TNFRSF10A: variants seen among roughly 807,000 people sequenced by gnomAD.
TNFRSF10A encodes TNF receptor superfamily member 10a.
In TNFRSF10A, 44 loss-of-function variants were observed where a neutral mutation model predicts 42.8. The ratio of observed to expected loss-of-function variants is 1.03; its 90% CI spans 0.81 to 1.32. The LOEUF is 1.32. Among genes scored for constraint, TNFRSF10A ranks in the 40% most tolerant of loss-of-function variants. The pLI, the probability that TNFRSF10A is intolerant of heterozygous loss-of-function variation, is 0.00. For synonymous variants in TNFRSF10A, 259 were observed against 234.2 expected, an observed-to-expected ratio of 1.11 and a Z score of -0.97; for missense variants, 680 against 602.0, an observed-to-expected ratio of 1.13 and a Z score of -1.36.
At chr8:23,219,469 C>A in intron 1 of TNFRSF10A, among the ~76,000 whole-genome samples, 1 of 150,828 alleles carries the variant, frequency 6.6e-6, no homozygotes, top group Non-Finnish European at 1.5e-5. Context: ...GGACTTTAGC[C>A]CTGCAGAAGC....
At chr8:23,203,933 C>T (rs567981870) in intron 2 of TNFRSF10A, among the ~76,000 whole-genome samples, 7 of 152,122 alleles carry the variant, frequency 4.6e-5, no homozygotes, top group Admixed American at 1.3e-4. Flanking sequence ...CGTGCCACCA[C>T]GCCTGGCTAA....
At chr8:23,209,790 G>A (rs1801067376) in intron 2 of TNFRSF10A, among the ~76,000 whole-genome samples, 1 of 152,222 alleles carries the variant, frequency 6.6e-6, no homozygotes, top group Admixed American at 6.5e-5. Context: ...TGTCTCACAT[G>A]AGACTTTGGA....
At chr8:23,215,033 T>C (rs533669381) in intron 1 of TNFRSF10A, among the ~76,000 whole-genome samples, 1 of 152,160 alleles carries the variant, frequency 6.6e-6, no homozygotes, top group Non-Finnish European at 1.5e-5. Context: ...TGTCTGATAT[T>C]GAGGATTGTA....
intron 1 of TNFRSF10A, among the ~76,000 whole-genome samples, chr8:23,222,127 T>G (rs1464357103): frequency 6.6e-6 from 1 of 152,136 alleles, no homozygotes; most frequent in Non-Finnish European, 1.5e-5. Flanking sequence ...TCCACCTGTC[T>G]CGGCCTCCCA....
chr8:23,193,727 T>C (rs1800785048), intron 9 of TNFRSF10A, among the ~76,000 whole-genome samples: 1 of 152,242 alleles, frequency 6.6e-6, no homozygotes, highest in African/African-American at 2.4e-5. Flanking sequence ...TGTTTCAGTC[T>C]GGACACTCTT....
rs141559980 is a variant in TNFRSF10A at position 23,222,661 on chromosome 8, G to A, written c.306+2095C>T. ...GGCAGAAGGCCTTGGTGTCTGCTACGGGTCCTTTGTCCCTGCCAGGGCTCA... is the reference window on the plus strand; with the variant it reads ...GGCAGAAGGCCTTGGTGTCTGCTACAGGTCCTTTGTCCCTGCCAGGGCTCA... On this transcript the variant is annotated intron_variant, in intron 1 of 9. Coordinates refer to ENST00000221132, the MANE Select transcript of TNFRSF10A (RefSeq NM_003844.4). Among the ~76,000 whole-genome samples the A allele has an allele frequency of 2.2e-4, 34 of 152,296 alleles. No homozygotes were observed. In the South Asian group the frequency reaches 5.4e-3, roughly 24 times the overall value.
chr8:23,221,521 G>A (rs1801255326), intron 1 of TNFRSF10A, among the ~76,000 whole-genome samples: 1 of 152,198 alleles, frequency 6.6e-6, no homozygotes, highest in Non-Finnish European at 1.5e-5. Context: ...GCCAGGACCT[G>A]GGGTGAGAAA....
At chr8:23,200,907 T>A in intron 4 of TNFRSF10A, 147 bp from the exon 5 acceptor site, 1 of 772,488 alleles carries the variant, frequency 1.3e-6, no homozygotes, top group East Asian at 2.5e-5. Context: ...GGTCCCCCTA[T>A]GCTCCCTTGT....
At position 23,199,434 on chromosome 8, in the gene TNFRSF10A, G is replaced by A; in HGVS notation, c.846C>T (p.Arg282=). The A allele has an allele frequency of 6.2e-7, 1 of 1,612,102 alleles. No individual in the cohort carries two copies. Residue 282 remains arginine, a synonymous_variant, in exon 8 of 10, where the codon CGC becomes CGT. Coordinates refer to ENST00000221132, the MANE Select transcript of TNFRSF10A (RefSeq NM_003844.4). ...CCCCAGGCCCTCGTAGGAGACCCAA[G>A]CGCCAGAAACACACCTTAGGAAGGC... ...PKCMDRVCFW[R]LGLLRGPGAE... is the part of the protein sequence containing the mutation.
At chr8:23,223,032 T>C (rs796923348) in intron 1 of TNFRSF10A, among the ~76,000 whole-genome samples, 6 of 152,152 alleles carry the variant, frequency 3.9e-5, no homozygotes, top group African/African-American at 9.7e-5. Flanking sequence ...CAAATAAGCC[T>C]CTTTTAAAAT....
chr8:23,223,914 T>A (rs962323059), intron 1 of TNFRSF10A, among the ~76,000 whole-genome samples: 2 of 152,156 alleles, frequency 1.3e-5, no homozygotes, highest in African/African-American at 4.8e-5. Flanking sequence ...CGCAAGAAAG[T>A]GGCTGGAAGG....
intron 2 of TNFRSF10A, among the ~76,000 whole-genome samples, chr8:23,204,508 A>G (rs1169210776): frequency 6.6e-6 from 1 of 152,216 alleles, no homozygotes; most frequent in Non-Finnish European, 1.5e-5. Context: ...TAGAAAGAAC[A>G]TCAACAAGAA....
At chr8:23,208,001 A>G (rs1321298604) in intron 2 of TNFRSF10A, among the ~76,000 whole-genome samples, 1 of 152,206 alleles carries the variant, frequency 6.6e-6, no homozygotes, top group Non-Finnish European at 1.5e-5. Flanking sequence ...GAACTGCATA[A>G]CAGGCAGAGG....
intron 2 of TNFRSF10A, among the ~76,000 whole-genome samples, chr8:23,209,239 G>A (rs1159109669): frequency 1.3e-5 from 2 of 152,230 alleles, no homozygotes; most frequent in Non-Finnish European, 2.9e-5. Flanking sequence ...ACGCCTGGAT[G>A]CCCAGGCAAA....
rs1563379779 is a variant in TNFRSF10A at position 23,201,936 on chromosome 8, A to G, written c.518-17T>C. On this transcript the variant is annotated splice_polypyrimidine_tract_variant and intron_variant, in intron 3 of 9. Coordinates refer to ENST00000221132, the MANE Select transcript of TNFRSF10A (RefSeq NM_003844.4). The stretch of plus-strand genomic sequence containing the variant: ...CTTCTTCATCTGATGACAGAGTACA[A>G]GGTTTTGGGAATGTGTTTCCCTGAC... 2.5e-6 allele frequency: 4 copies of G among 1,610,854 alleles called. No homozygotes were observed. The highest frequency in any genetic ancestry group is 2.2e-5 in the South Asian group (2 of 90,910).
At chr8:23,202,948 AC>A (rs1800955950) in intron 2 of TNFRSF10A, among the ~76,000 whole-genome samples, 187 bp from the exon 3 acceptor site, 1 of 152,342 alleles carries the variant, frequency 6.6e-6, no homozygotes, top group Admixed American at 6.5e-5. Flanking sequence ...TGACAGAAAT[AC>A]AATACAAACC....
At chr8:23,212,325 T>C in intron 1 of TNFRSF10A, 113 bp from the exon 2 acceptor site, 1 of 865,910 alleles carries the variant, frequency 1.2e-6, no homozygotes, top group Non-Finnish European at 1.9e-6. Context: ...ACTTGCATCT[T>C]TCTCCCAGTT....
In TNFRSF10A at chr8:23,200,769, A is replaced by G. The variant is rs200224155; in HGVS notation, c.630-9T>C. The G allele has an allele frequency of 3.3e-5, 42 of 1,264,544 alleles. No individual in the cohort carries two copies. The highest frequency in any genetic ancestry group is 4.6e-5 in the Non-Finnish European group (41 of 898,874). The allele number at this position is 1,264,544 out of a possible 1,614,324, so 78.3% of individuals were successfully genotyped here. A position where few individuals can be genotyped will look rare whatever the true frequency, so the allele number is the denominator to read the frequency against. ...CCATCCCTCTGGGGCACCTGGGTAC[A>G]CACAGGGAGGGAGGGGGGGGACTCT... On this transcript the variant is annotated splice_polypyrimidine_tract_variant and intron_variant, in intron 4 of 9. Coordinates refer to ENST00000221132, the MANE Select transcript of TNFRSF10A (RefSeq NM_003844.4).
intron 8 of TNFRSF10A, among the ~76,000 whole-genome samples, chr8:23,197,548 C>T (rs1473356735): frequency 1.3e-5 from 2 of 152,158 alleles, no homozygotes; most frequent in East Asian, 3.8e-4. Context: ...CAGATAGGAC[C>T]ATCTCGTTGC....
Sources: allele counts gnomAD v4.1 joint callset (sites outside exome capture counted in the v4.1 genomes callset), GRCh38; gene constraint gnomAD v4.1.1; transcripts MANE v1.5; gene names NCBI Gene and HGNC (gene_info 2026-07-23, HGNC 2026-07-21).